Variants in PTK7 observed in about 807,000 individuals in gnomAD.
The protein encoded by PTK7 is protein tyrosine kinase 7 (inactive), also known as inactive tyrosine-protein kinase 7.
In PTK7, 39 loss-of-function variants were observed where a neutral mutation model predicts 116.6. The ratio of observed to expected loss-of-function variants is 0.33; its 90% CI spans 0.26 to 0.44. The LOEUF (loss-of-function observed/expected upper bound fraction) is 0.44, where lower values mean the gene tolerates loss of function less well. PTK7 is among the 20% of genes least tolerant of loss of function. The pLI is 1.00. For synonymous variants in PTK7, 546 were observed against 563.6 expected (o/e 0.97, Z 0.44); for missense variants, 1,169 against 1,425.6 (o/e 0.82, Z 2.90).
Position 43,142,210 on chromosome 6 carries a change from A to G in PTK7, c.1958A>G (p.Asp653Gly). 6.2e-7 allele frequency: 1 copy of G among 1,614,084 alleles called. No individual in the cohort carries two copies. The highest frequency in any genetic ancestry group is 8.5e-7 in the Non-Finnish European group (1 of 1,180,014). Residue 653 changes from aspartate to glycine, a missense_variant, in exon 13 of 20, where the codon GAC (aspartate) becomes GGC (glycine). Asp to Gly is a moderately conservative substitution (Grantham distance 94). This residue lies in a region of PTK7 where 678 missense variants were observed against 853.8 expected (regional missense o/e 0.79). Coordinates refer to ENST00000230419, the MANE Select transcript of PTK7 (RefSeq NM_002821.5). ...CAGAATGGCTCCCTGGTGATCCATG[A>G]CGTGGCCCCTGAGGACTCAGGCCGC... ...IFQNGSLVIH[D>G]VAPEDSGRYT...
chr6:43,104,196 CAG>C (rs1767739602), intron 1 of PTK7, among the ~76,000 whole-genome samples: 1 of 151,906 alleles, frequency 6.6e-6, no homozygotes, highest in Non-Finnish European at 1.5e-5. Context: ...AATAAGGTAA[CAG>C]TAAGGAAAAT....
At chr6:43,144,644 C>T (rs7759437) in intron 15 of PTK7, 38 bp downstream of exon 15, 596,737 of 1,576,322 alleles carry the variant, frequency 0.38, 117,455 homozygotes, top group African/African-American at 0.59. Context: ...TGCCTAACTA[C>T]AAGTCACCCG....
At chr6:43,125,398 C>T (rs924238684) in intron 1 of PTK7, among the ~76,000 whole-genome samples, 4 of 152,110 alleles carry the variant, frequency 2.6e-5, no homozygotes, top group African/African-American at 9.7e-5. Flanking sequence ...GGAGTGGGTG[C>T]TGGAGGCTGA....
At chr6:43,158,737 C>T (rs111612862) in intron 17 of PTK7, 80 bp from the exon 18 acceptor site, 91 of 1,461,684 alleles carry the variant, frequency 6.2e-5, no homozygotes, top group Non-Finnish European at 7.9e-5. Flanking sequence ...AGTGTTGAAA[C>T]GCTACCAAGG....
chr6:43,121,612 C>T (rs1429222855), intron 1 of PTK7, among the ~76,000 whole-genome samples: 1 of 150,608 alleles, frequency 6.6e-6, no homozygotes, highest in African/African-American at 2.4e-5. Flanking sequence ...TGTCCATCTT[C>T]AGTGACTTCT....
intron 1 of PTK7, among the ~76,000 whole-genome samples, chr6:43,123,804 C>T (rs529053294): frequency 1.3e-5 from 2 of 152,268 alleles, no homozygotes; most frequent in East Asian, 1.9e-4. Context: ...CTGCTGAGCC[C>T]GGTACGGCAG....
chr6:43,120,874 C>T (rs897949097), intron 1 of PTK7, among the ~76,000 whole-genome samples: 1 of 152,084 alleles, frequency 6.6e-6, no homozygotes, highest in African/African-American at 2.4e-5. Flanking sequence ...CACCACCTCA[C>T]TCCAGCTGCA....
intron 1 of PTK7, among the ~76,000 whole-genome samples, chr6:43,091,587 C>T (rs890929827): frequency 7.9e-5 from 12 of 152,200 alleles, no homozygotes; most frequent in African/African-American, 2.9e-4. Flanking sequence ...CACATTTGCA[C>T]ATCTTTGAAA....
intron 1 of PTK7, among the ~76,000 whole-genome samples, chr6:43,115,001 C>A (rs1482827567): frequency 6.6e-6 from 1 of 150,792 alleles, no homozygotes; most frequent in African/African-American, 2.4e-5. Flanking sequence ...GAGATCTTGC[C>A]ATTGCACTCC....
At chr6:43,084,183 T>G (rs1336923334) in intron 1 of PTK7, among the ~76,000 whole-genome samples, 1 of 152,210 alleles carries the variant, frequency 6.6e-6, no homozygotes, top group African/African-American at 2.4e-5. Context: ...CAGGTTGGAG[T>G]ACAGTGGTGC....
intron 15 of PTK7, chr6:43,144,957 A>G: frequency 4.6e-6 from 2 of 431,650 alleles, no homozygotes; most frequent in East Asian, 3.4e-5. Context: ...CATGTTTACC[A>G]TGAGCCACCA....
At chr6:43,079,398 T>A (rs1015076454) in intron 1 of PTK7, among the ~76,000 whole-genome samples, 8 of 149,372 alleles carry the variant, frequency 5.4e-5, no homozygotes, top group African/African-American at 2.0e-4. Context: ...ACCCGGGAGG[T>A]GGAGCTTGCA....
At chr6:43,115,947 A>AAGGG (rs577047547) in intron 1 of PTK7, among the ~76,000 whole-genome samples, 36 of 128,412 alleles carry the variant, frequency 2.8e-4, no homozygotes, top group African/African-American at 1.1e-3. Context: ...AAAAAAAAAA[A>AAGGG]GGCAGTGGGC....
intron 1 of PTK7, among the ~76,000 whole-genome samples, chr6:43,082,915 T>G (rs932852265): frequency 6.6e-6 from 1 of 152,220 alleles, no homozygotes; most frequent in South Asian, 2.1e-4. Flanking sequence ...AGGAATACAT[T>G]TGGCTCATAA....
In PTK7 at chr6:43,077,070, C is replaced by T. The variant is rs1456213793; in HGVS notation, c.79+503C>T. On this transcript the variant is annotated intron_variant, in intron 1 of 19. Coordinates refer to ENST00000230419, the MANE Select transcript of PTK7 (RefSeq NM_002821.5). The stretch of plus-strand genomic sequence containing the variant: ...AGCTTTGTTACCTACGCCGACCCGA[C>T]GTTCCCGGCTTCCCTCCTCCGAGTT... 6.3e-6 allele frequency: 8 copies of T among 1,271,162 alleles called. No individual in the cohort carries two copies. The East Asian group carries it at 1.8e-4, about 29-fold the overall frequency. The allele number at this position is 1,271,162 out of a possible 1,614,324, so 78.7% of individuals were successfully genotyped here. A position where few individuals can be genotyped will look rare whatever the true frequency, so the allele number is the denominator to read the frequency against.
chr6:43,157,714 C>CT (rs1434338606), intron 17 of PTK7, among the ~76,000 whole-genome samples: 2 of 151,844 alleles, frequency 1.3e-5, no homozygotes, highest in Non-Finnish European at 2.9e-5. Flanking sequence ...GACACCGTCT[C>CT]TACCAAAGAA....
At position 43,132,023 on chromosome 6, in the gene PTK7, C is replaced by T. The variant is rs753457277; in HGVS notation, c.820C>T (p.His274Tyr). The T allele has an allele frequency of 4.3e-6, 7 of 1,614,096 alleles. No homozygotes were observed. In the East Asian group the frequency reaches 6.7e-5, roughly 15 times the overall value. The change falls in exon 6 of 20, where the codon CAC becomes TAC. Residue 274 changes from histidine to tyrosine, a missense_variant. Around this residue, in one of 3 missense-constraint regions of PTK7, gnomAD observed 487 missense variants for 549.8 expected, o/e 0.89. Transcript: ENST00000230419. ...GCACTCTCCCCTCTGCAGCCCCCCA[C>T]ACCTCCGCAGAGCCACAGTGTTTGC... ...TPITNRSRPP[H>Y]LRRATVFANG...
intron 1 of PTK7, among the ~76,000 whole-genome samples, chr6:43,099,346 C>G (rs938252802): frequency 1.3e-5 from 2 of 151,812 alleles, no homozygotes. Flanking sequence ...AATCCTCCCA[C>G]CTCAGCCTCC....
intron 7 of PTK7, among the ~76,000 whole-genome samples, chr6:43,135,388 CT>C (rs1769969366): frequency 6.6e-6 from 1 of 152,324 alleles, no homozygotes; most frequent in South Asian, 2.1e-4. Flanking sequence ...AGCCCCTCTC[CT>C]TGTGGAGTTC....
Sources: gnomAD v4.1 joint callset for allele counts (sites outside exome capture counted in the v4.1 genomes callset) on GRCh38, gnomAD v4.1.1 for gene constraint, gnomAD v4.1.1 regional missense constraint, MANE v1.5 for transcripts, NCBI Gene and HGNC (gene_info 2026-07-23, HGNC 2026-07-21) for gene names.